D2HGDH: variants seen among roughly 807,000 people sequenced by gnomAD.
D2HGDH encodes the protein D-2-hydroxyglutarate dehydrogenase, mitochondrial.
In D2HGDH, 31 loss-of-function variants were observed where a neutral mutation model predicts 46.9. That is an observed-to-expected ratio of 0.66 (90% CI 0.50 to 0.89). The LOEUF is 0.89. Ranked by LOEUF, D2HGDH falls within the 40% of genes least tolerant of loss-of-function variation. The probability of loss-of-function intolerance (pLI) is 0.00; values close to 1 mark genes in which losing one functional copy is unlikely to be tolerated. For synonymous variants in D2HGDH, 364 were observed against 332.6 expected, an observed-to-expected ratio of 1.09 and a Z score of -1.03; for missense variants, 698 against 720.8, an observed-to-expected ratio of 0.97 and a Z score of 0.36.
Position 241,742,362 on chromosome 2 carries a change from TGCGGC to T in D2HGDH, c.351-71_351-67del. 2 of 1,524,308 alleles carry T rather than the reference TGCGGC, an allele frequency of 1.3e-6. No homozygotes were observed. Among genetic ancestry groups the T allele is most frequent in the Non-Finnish European group, 1.8e-6 (2 of 1,128,720 alleles). The allele number at this position is 1,524,308 out of a possible 1,614,324, so 94.4% of individuals were successfully genotyped here. A position where few individuals can be genotyped will look rare whatever the true frequency, so the allele number is the denominator to read the frequency against. ...AGGATTTGGAGTCAGGCACTGGTCC[TGCGGC>T]GTGTCCTTGGGGATGGTGGCGTAGG... On this transcript the variant is annotated intron_variant, in intron 3 of 9. Transcript: ENST00000321264. The surrounding 1 kb of genome is among the most constrained non-coding windows in gnomAD (Gnocchi z 4.8).
At chr2:241,756,538 T>C (rs1698200851) in intron 9 of D2HGDH, among the ~76,000 whole-genome samples, 1 of 152,230 alleles carries the variant, frequency 6.6e-6, no homozygotes, top group Non-Finnish European at 1.5e-5. Flanking sequence ...TTCTTTTTTT[T>C]GAGACGCAGT....
intron 2 of D2HGDH, among the ~76,000 whole-genome samples, chr2:241,736,728 G>A (rs553940509): frequency 6.7e-6 from 1 of 150,308 alleles, no homozygotes; most frequent in South Asian, 2.1e-4. Context: ...GGAGTGCAAT[G>A]GTGCAATCTT....
chr2:241,750,092 G>C, intron 6 of D2HGDH, 59 bp from the exon 7 acceptor site: 1 of 1,612,382 alleles, frequency 6.2e-7, no homozygotes, highest in Admixed American at 1.7e-5. Context: ...TTTGAAGGGG[G>C]ACTTGGGTGG....
At chr2:241,745,830 G>C (rs972748838) in intron 6 of D2HGDH, among the ~76,000 whole-genome samples, 2 of 152,004 alleles carry the variant, frequency 1.3e-5, no homozygotes, top group Non-Finnish European at 2.9e-5. Context: ...TTCCACAGGC[G>C]CATGGCTTCA....
Position 241,744,817 on chromosome 2 carries a change from A to T in D2HGDH, c.793A>T (p.Ile265Phe). 1 of 1,614,016 alleles carries T rather than the reference A, an allele frequency of 6.2e-7. No individual in the cohort carries two copies. The highest frequency in any genetic ancestry group is 8.5e-7 in the Non-Finnish European group (1 of 1,179,990). ...CGGGTCGGAGGGCACTTTGGGGATC[A>T]TCACCACGGTGTCCATCTTGTGTCC... is the stretch of plus-strand genomic sequence containing the variant. Reference protein sequence around the residue: ...FIGSEGTLGIITTVSILCPPK... With the variant: ...FIGSEGTLGIFTTVSILCPPK... Residue 265 changes from isoleucine (I) to phenylalanine (F), a missense_variant, in exon 6 of 10, where the codon ATC becomes TTC. By Grantham distance (21) the Ile-to-Phe change is conservative. Transcript: ENST00000321264.
chr2:241,759,139 T>A (rs1388435586), intron 9 of D2HGDH, among the ~76,000 whole-genome samples: 1 of 152,246 alleles, frequency 6.6e-6, no homozygotes, highest in Non-Finnish European at 1.5e-5. Flanking sequence ...TCAGCCTTCG[T>A]AACTGTGGAG....
chr2:241,767,800 C>G lies in D2HGDH; in HGVS notation c.1397C>G (p.Ala466Gly). The change falls in exon 10 of 10, where the codon GCC becomes GGC. Residue 466 changes from alanine to glycine, a missense_variant. Transcript: ENST00000321264. ...GAGCCCCACGTGTACGAGTGGACGG[C>G]CGGGCAGCAGGGCAGCGTCAGCGCG... is the stretch of plus-strand genomic sequence containing the variant. Reference protein sequence around the residue: ...ALEPHVYEWTAGQQGSVSAEH... With the variant: ...ALEPHVYEWTGGQQGSVSAEH... The G allele has an allele frequency of 6.2e-7, 1 of 1,612,164 alleles. No homozygotes were observed. Among genetic ancestry groups the G allele is most frequent in the Non-Finnish European group, 8.5e-7 (1 of 1,179,404 alleles).
chr2:241,734,643 G>T lies in D2HGDH; in HGVS notation c.-145G>T, dbSNP rs535862564. Reference sequence around the variant, plus strand: ...GTCGCCCCGCCCACTCCGGCTCGGCGGCTCTGGGCCTGCGGCGGGCGCTGC... The same window carrying T: ...GTCGCCCCGCCCACTCCGGCTCGGCTGCTCTGGGCCTGCGGCGGGCGCTGC... On this transcript the variant is annotated 5_prime_UTR_variant, in exon 1 of 10. Transcript: ENST00000321264. 3 of 151,412 alleles carry T rather than the reference G, an allele frequency of 2.0e-5. No homozygotes were observed. Among genetic ancestry groups the T allele is most frequent in the African/African-American group, 7.3e-5 (3 of 41,330 alleles). The allele number at this position is 151,412 out of a possible 1,614,324, so 9.4% of individuals were successfully genotyped here.
chr2:241,738,164 C>T (rs1045109001), intron 2 of D2HGDH, among the ~76,000 whole-genome samples: 1 of 152,212 alleles, frequency 6.6e-6, no homozygotes, highest in Non-Finnish European at 1.5e-5. Flanking sequence ...CACCCTCACC[C>T]TGCTCCCGAA....
At chr2:241,765,107 G>A (rs966917279) in intron 9 of D2HGDH, among the ~76,000 whole-genome samples, 4 of 152,218 alleles carry the variant, frequency 2.6e-5, no homozygotes, top group African/African-American at 9.7e-5. Context: ...GGGGGTGGGG[G>A]CGTCCAGATA....
intron 8 of D2HGDH, among the ~76,000 whole-genome samples, chr2:241,753,866 A>G (rs1036945839): frequency 9.9e-5 from 15 of 152,254 alleles, no homozygotes; most frequent in African/African-American, 3.4e-4. Flanking sequence ...CTCACGCAGC[A>G]GAAGGAACAA....
chr2:241,745,082 G>A (rs1695512911), intron 6 of D2HGDH, among the ~76,000 whole-genome samples: 1 of 151,132 alleles, frequency 6.6e-6, no homozygotes, highest in African/African-American at 2.4e-5. Context: ...GGTGTAGAGT[G>A]AGGCCTCTCT....
intron 2 of D2HGDH, among the ~76,000 whole-genome samples, chr2:241,738,988 T>G (rs1312455704): frequency 2.0e-5 from 3 of 152,252 alleles, no homozygotes. Flanking sequence ...CTAGACCATT[T>G]GCTCAGGATG....
intron 1 of D2HGDH, 33 bp from the exon 2 acceptor site, chr2:241,735,100 A>G: frequency 9.5e-7 from 1 of 1,049,782 alleles, no homozygotes; most frequent in Non-Finnish European, 1.3e-6. Flanking sequence ...TACAACGTGC[A>G]TAAAACATGA....
intron 6 of D2HGDH, chr2:241,748,908 A>T: frequency 1.5e-6 from 2 of 1,298,082 alleles, no homozygotes; most frequent in Non-Finnish European, 2.0e-6. Flanking sequence ...GCCCGAGGCC[A>T]GCCCGGCTGC....
chr2:241,743,552 G>A lies in D2HGDH; in HGVS notation c.491-70G>A. 6.5e-7 allele frequency: 1 copy of A among 1,547,088 alleles called. No individual in the cohort carries two copies. Among genetic ancestry groups the A allele is most frequent in the East Asian group, 2.3e-5 (1 of 42,782 alleles). ...TGGGTGGCTTGCCTGTGCAAGATGG[G>A]GGTTGGGACTCACCAGCCCGGGGGC... is the stretch of plus-strand genomic sequence containing the variant. On this transcript the variant is annotated intron_variant, in intron 4 of 9. Transcript: ENST00000321264. This position sits in a 1 kb window ranked among gnomAD's most constrained non-coding sequence, Gnocchi z 4.8.
chr2:241,758,503 A>G (rs1356396339), intron 9 of D2HGDH, among the ~76,000 whole-genome samples: 1 of 152,040 alleles, frequency 6.6e-6, no homozygotes, highest in Non-Finnish European at 1.5e-5. Flanking sequence ...TGGTGGGGAC[A>G]GGGTCTCGCT....
Position 241,768,218 on chromosome 2 carries a change from A to G in D2HGDH, c.*249A>G, listed in dbSNP as rs952824831. On this transcript the variant is annotated 3_prime_UTR_variant, in exon 10 of 10. Transcript: ENST00000321264. ...TGGGGCCTCTGCAGCCATCCTGGACAGGCCGGGGTGGCGGCAGCTTTGCCC... is the reference window on the plus strand; with the variant it reads ...TGGGGCCTCTGCAGCCATCCTGGACGGGCCGGGGTGGCGGCAGCTTTGCCC... 127 of 598,540 alleles carry G rather than the reference A, an allele frequency of 2.1e-4. 2 individuals carry two copies. In the South Asian group the frequency reaches 3.0e-3, roughly 14 times the overall value. The allele number at this position is 598,540 out of a possible 1,614,324, so 37.1% of individuals were successfully genotyped here.
intron 9 of D2HGDH, among the ~76,000 whole-genome samples, chr2:241,762,705 C>T (rs1482254506): frequency 1.3e-5 from 2 of 152,160 alleles, no homozygotes; most frequent in African/African-American, 2.4e-5. Context: ...CGTTCTCTGC[C>T]GTGTGTGATC....
Sources: allele counts gnomAD v4.1 joint callset (sites outside exome capture counted in the v4.1 genomes callset), GRCh38; gene constraint gnomAD v4.1.1; non-coding constraint Gnocchi (gnomAD v3.1); transcripts MANE v1.5; gene names NCBI Gene and HGNC (gene_info 2026-07-23, HGNC 2026-07-21).